The following PAQR5 variants were observed in gnomAD, a reference collection of about 807,000 sequenced individuals.
PAQR5 encodes progestin and adipoQ receptor family member 5.
In PAQR5, 20 loss-of-function variants were observed where a neutral mutation model predicts 34.5. The ratio of observed to expected loss-of-function variants is 0.58; its 90% CI spans 0.41 to 0.84. The LOEUF is 0.84. Among genes scored for constraint, PAQR5 ranks in the 40% least tolerant of loss-of-function variants. PAQR5 has a pLI of 0.00. For synonymous variants in PAQR5, 131 were observed against 155.6 expected (o/e 0.84, Z 1.18); for missense variants, 378 against 412.7 (o/e 0.92, Z 0.73).
intron 1 of PAQR5, among the ~76,000 whole-genome samples, chr15:69,322,736 A>C (rs187949915): frequency 1.2e-4 from 3 of 25,276 alleles, no homozygotes; most frequent in South Asian, 4.5e-3. Context: ...AAGAAGAAGA[A>C]GAAGAAGAAG....
intron 2 of PAQR5, among the ~76,000 whole-genome samples, chr15:69,354,935 T>C (rs564754056): frequency 6.6e-6 from 1 of 152,312 alleles, no homozygotes; most frequent in East Asian, 1.9e-4. Context: ...CTCCAGGCTT[T>C]CTGGCCCTTG....
intron 5 of PAQR5, among the ~76,000 whole-genome samples, chr15:69,387,953 G>C (rs940286257): frequency 6.6e-6 from 1 of 151,716 alleles, no homozygotes; most frequent in Non-Finnish European, 1.5e-5. Flanking sequence ...CAGCCATGCT[G>C]GCACACCTCC....
chr15:69,390,320 T>A (rs57749452), intron 6 of PAQR5, among the ~76,000 whole-genome samples: 1,672 of 133,438 alleles, frequency 0.013, 38 homozygotes, highest in African/African-American at 0.043. Flanking sequence ...CTGACCTGTT[T>A]TTTATTTATT....
At chr15:69,343,434 CA>C (rs200616079) in intron 2 of PAQR5, among the ~76,000 whole-genome samples, 2 of 151,496 alleles carry the variant, frequency 1.3e-5, no homozygotes, top group East Asian at 1.9e-4. Context: ...GAAATAGAGG[CA>C]AAAAAAATGT....
At chr15:69,382,785 TATATATATATATGACC>T (rs1245243268) in intron 4 of PAQR5, 4 of 2,140 alleles carry the variant, frequency 1.9e-3, no homozygotes, top group Admixed American at 0.011. Context: ...ACCATATATA[TATATATATATATGACC>T]ATATATATAT....
chr15:69,332,170 G>A (rs931004825), intron 1 of PAQR5, among the ~76,000 whole-genome samples: 4 of 152,222 alleles, frequency 2.6e-5, no homozygotes, highest in African/African-American at 7.2e-5. Flanking sequence ...AGTCTTAGGC[G>A]GTAGCAAATC....
At chr15:69,320,830 T>C (rs996136594) in intron 1 of PAQR5, among the ~76,000 whole-genome samples, 8 of 152,246 alleles carry the variant, frequency 5.3e-5, no homozygotes, top group African/African-American at 1.9e-4. Context: ...CAAAGGATGT[T>C]GGCAATATCA....
At chr15:69,348,632 G>A (rs2054833519) in intron 2 of PAQR5, among the ~76,000 whole-genome samples, 1 of 152,160 alleles carries the variant, frequency 6.6e-6, no homozygotes, top group Non-Finnish European at 1.5e-5. Context: ...CATGTTCCAA[G>A]ACGTTCCAAG....
intron 1 of PAQR5, among the ~76,000 whole-genome samples, chr15:69,319,097 G>A (rs988681858): frequency 3.5e-4 from 53 of 149,354 alleles, no homozygotes; most frequent in African/African-American, 1.3e-3. Flanking sequence ...TTGTGCCACT[G>A]CACTCCAGCC....
intron 1 of PAQR5, among the ~76,000 whole-genome samples, chr15:69,316,151 G>A (rs1266383892): frequency 1.3e-5 from 2 of 152,078 alleles, no homozygotes; most frequent in Non-Finnish European, 2.9e-5. Flanking sequence ...TGTGACCTTG[G>A]CTCACTGCAA....
intron 6 of PAQR5, among the ~76,000 whole-genome samples, chr15:69,390,751 G>A (rs1177417818): frequency 6.6e-6 from 1 of 152,026 alleles, no homozygotes; most frequent in Admixed American, 6.5e-5. Flanking sequence ...CATATGTGAT[G>A]GATGATGGTG....
chr15:69,329,125 G>T (rs752842534), intron 1 of PAQR5, among the ~76,000 whole-genome samples: 15 of 152,210 alleles, frequency 9.9e-5, no homozygotes, highest in Non-Finnish European at 2.1e-4. Context: ...AGGGGCTGGT[G>T]GTTCTGAACC....
intron 2 of PAQR5, among the ~76,000 whole-genome samples, chr15:69,346,323 T>TTTTTTG (rs1397842208): frequency 6.8e-6 from 1 of 146,204 alleles, no homozygotes; most frequent in African/African-American, 2.5e-5. Context: ...TTTTTTTTTT[T>TTTTTTG]GCGACAGGGT....
chr15:69,384,646 G>A, intron 4 of PAQR5, 31 bp from the exon 5 acceptor site: 1 of 1,537,270 alleles, frequency 6.5e-7, no homozygotes, highest in Non-Finnish European at 9.0e-7. Context: ...TGTGTTCATG[G>A]TGGAGGGTGA....
In PAQR5 at chr15:69,325,865, TATC is replaced by T. The variant is rs530910615; in HGVS notation, c.-276-11471_-276-11469del. Among the ~76,000 whole-genome samples, 334 of 152,222 alleles carry T rather than the reference TATC, an allele frequency of 2.2e-3. 2 individuals are homozygous for T. Among genetic ancestry groups the T allele is most frequent in the African/African-American group, 7.6e-3 (317 of 41,510 alleles). On this transcript the variant is annotated intron_variant, in intron 1 of 8. Transcript: ENST00000395407. ...GAAACTAAGGTTCTGGGTGAACGCT[TATC>T]ATCACCTCTACCACATCATCCCATG...
intron 3 of PAQR5, among the ~76,000 whole-genome samples, chr15:69,365,883 T>C (rs4595750): frequency 0.79 from 120,598 of 152,186 alleles, 51,295 homozygotes; most frequent in Non-Finnish European, 0.96. Context: ...TCTGGAGTTA[T>C]GCAGGGAACA....
chr15:69,334,378 A>C (rs111781899), intron 1 of PAQR5, among the ~76,000 whole-genome samples: 13,434 of 152,260 alleles, frequency 0.088, 934 homozygotes, highest in African/African-American at 0.18. Context: ...AATGTCTTGA[A>C]AATGTAGACA....
At chr15:69,300,852 T>C (rs112697814) in intron 1 of PAQR5, among the ~76,000 whole-genome samples, 1,020 of 9,992 alleles carry the variant, frequency 0.1, 299 homozygotes, top group African/African-American at 0.26. Flanking sequence ...TTTCTTTCTT[T>C]CTTTCTTTCT....
At chr15:69,380,808 C>T (rs772148062) in intron 4 of PAQR5, among the ~76,000 whole-genome samples, 4 of 152,194 alleles carry the variant, frequency 2.6e-5, no homozygotes, top group Admixed American at 6.5e-5. Context: ...TAGACACAGC[C>T]GAGAGACGGG....
Sources: allele counts gnomAD v4.1 joint callset (sites outside exome capture counted in the v4.1 genomes callset), GRCh38; gene constraint gnomAD v4.1.1; transcripts MANE v1.5; gene names NCBI Gene and HGNC (gene_info 2026-07-23, HGNC 2026-07-21).